Variants in NCAPH observed in about 807,000 individuals in gnomAD.
NCAPH encodes condensin complex subunit 2.
NCAPH carries 38 observed loss-of-function variants against 85.5 expected under a neutral mutation model. That is an observed-to-expected ratio of 0.44 (90% CI 0.34 to 0.58). The LOEUF (loss-of-function observed/expected upper bound fraction) is 0.58, where lower values mean the gene tolerates loss of function less well. Among genes scored for constraint, NCAPH ranks in the 20% least tolerant of loss-of-function variants. The pLI is 0.01. For missense variants in NCAPH, 789 were observed against 916.6 expected (o/e 0.86, Z 1.80); for synonymous variants, 301 against 335.1 (o/e 0.90, Z 1.11).
chr2:96,360,825 CAAAG>C, intron 12 of NCAPH, 115 bp downstream of exon 12: 2 of 1,339,292 alleles, frequency 1.5e-6, no homozygotes, highest in Non-Finnish European at 1.0e-6. Context: ...ATGTGTTAGC[CAAAG>C]CGTGTTGCCA....
At chr2:96,346,534 G>A (rs1277976519) in intron 6 of NCAPH, among the ~76,000 whole-genome samples, 1 of 152,140 alleles carries the variant, frequency 6.6e-6, no homozygotes, top group Non-Finnish European at 1.5e-5. Flanking sequence ...CACTGGAGGA[G>A]GTGAGTGCAT....
In NCAPH at chr2:96,341,861, A is replaced by T. The variant is rs1181960426; in HGVS notation, c.239A>T (p.Asp80Val). 18 of 1,611,970 alleles carry T rather than the reference A, an allele frequency of 1.1e-5. No individual in the cohort carries two copies. In the East Asian group the frequency reaches 3.8e-4, roughly 34 times the overall value. Residue 80 changes from aspartate (D) to valine (V), a missense_variant, in exon 2 of 18, where the codon GAC (aspartate) becomes GTC (valine). Coordinates refer to ENST00000240423, the MANE Select transcript of NCAPH (RefSeq NM_015341.5). ...GTCTTTGATCTGCAGTTCAGCACTG[A>T]CTCACCTCGCTTATTGGCCTCCCCC... Reference protein sequence around the residue: ...SRVFDLQFSTDSPRLLASPSS... With the variant: ...SRVFDLQFSTVSPRLLASPSS...
chr2:96,352,271 C>T (rs1558794862), intron 7 of NCAPH, among the ~76,000 whole-genome samples: 1 of 152,130 alleles, frequency 6.6e-6, no homozygotes, highest in African/African-American at 2.4e-5. Flanking sequence ...ACCTTAGGTG[C>T]CCACTGTTTG....
chr2:96,357,096 G>C (rs2064534928), intron 9 of NCAPH, among the ~76,000 whole-genome samples: 1 of 152,208 alleles, frequency 6.6e-6, no homozygotes, highest in South Asian at 2.1e-4. Context: ...TAATGACCTA[G>C]TCGGAGGTCA....
chr2:96,358,926 A>G, intron 9 of NCAPH, 119 bp from the exon 10 acceptor site: 1 of 932,122 alleles, frequency 1.1e-6, no homozygotes, highest in South Asian at 2.1e-5. Flanking sequence ...GGAATTATTA[A>G]TAATGAAGTT....
rs535998698 is a variant in NCAPH at position 96,366,697 on chromosome 2, T to C, written c.1882-560T>C. 1.4e-4 allele frequency among the ~76,000 whole-genome samples: 22 copies of C among 151,914 alleles called. No homozygotes were observed. The South Asian group carries it at 4.6e-3, about 32-fold the overall frequency. The stretch of plus-strand genomic sequence containing the variant: ...TTCGAGACCAGCCCGGCCAACATGG[T>C]GAAACCCCGTCTTTAATAAAAATAC... On this transcript the variant is annotated intron_variant, in intron 14 of 17. Transcript: ENST00000240423.
At chr2:96,360,379 C>A in intron 11 of NCAPH, 130 bp downstream of exon 11, 1 of 798,402 alleles carries the variant, frequency 1.3e-6, no homozygotes. Context: ...CTTAAACGCA[C>A]TATTAAGAAA....
At position 96,376,000 on chromosome 2, in the gene NCAPH, T is replaced by C. The variant is rs1452845319; in HGVS notation, c.*2649T>C. ...TGGGACTTTTCAGCCTCCATAACTG[T>C]AATAAATTCCTTTGTCAGTTACCCA... On this transcript the variant is annotated 3_prime_UTR_variant, in exon 18 of 18. Coordinates refer to ENST00000240423, the MANE Select transcript of NCAPH (RefSeq NM_015341.5). Among the ~76,000 whole-genome samples, 1 of 152,154 alleles carries C rather than the reference T, an allele frequency of 6.6e-6. No individual in the cohort carries two copies. Among genetic ancestry groups the C allele is most frequent in the Admixed American group, 6.5e-5 (1 of 15,278 alleles).
rs1438320227 is a variant in NCAPH at position 96,374,457 on chromosome 2, T to A, written c.*1106T>A. Among the ~76,000 whole-genome samples, 2 of 152,242 alleles carry A rather than the reference T, an allele frequency of 1.3e-5. No individual in the cohort carries two copies. The highest frequency in any genetic ancestry group is 2.9e-5 in the Non-Finnish European group (2 of 68,046). On this transcript the variant is annotated 3_prime_UTR_variant, in exon 18 of 18. Transcript: ENST00000240423. ...TAGATGTTGATCCAAGTAGTTCTGT[T>A]ACTGGCTGGTCCTGGATCTCTGCCA...
intron 6 of NCAPH, among the ~76,000 whole-genome samples, chr2:96,346,417 C>T (rs57406815): frequency 0.31 from 47,365 of 151,956 alleles, 7,952 homozygotes; most frequent in South Asian, 0.69. Context: ...TTTTGTGTCT[C>T]TGTCCAGCCG....
At chr2:96,360,742 C>T (rs761484644) in intron 12 of NCAPH, 32 bp downstream of exon 12, 2 of 1,612,552 alleles carry the variant, frequency 1.2e-6, no homozygotes, top group Non-Finnish European at 1.7e-6. Flanking sequence ...TTTAAGCACA[C>T]AAGGTATCAA....
chr2:96,351,941 C>T lies in NCAPH; in HGVS notation c.831C>T (p.Pro277=), dbSNP rs116080772. The change falls in exon 7 of 18, where the codon CCC becomes CCT. Residue 277 remains proline (P), a synonymous_variant. Transcript: ENST00000240423. ...CQDYRSELLF[P]SDVQTLSTGE... ...ACTACAGAAGTGAACTGCTGTTTCC[C>T]TCTGATGTCCAGACTCTCTCCACGG... is the stretch of plus-strand genomic sequence containing the variant. 4.7e-5 allele frequency: 76 copies of T among 1,614,174 alleles called. No homozygotes were observed. The Middle Eastern group carries it at 6.6e-4, about 14-fold the overall frequency.
chr2:96,357,093 C>T (rs898348058), intron 9 of NCAPH, among the ~76,000 whole-genome samples: 2 of 152,164 alleles, frequency 1.3e-5, no homozygotes, highest in African/African-American at 2.4e-5. Flanking sequence ...GGTTAATGAC[C>T]TAGTCGGAGG....
chr2:96,357,488 C>A (rs1203895063), intron 9 of NCAPH, among the ~76,000 whole-genome samples: 1 of 152,178 alleles, frequency 6.6e-6, no homozygotes, highest in Middle Eastern at 3.2e-3. Context: ...TGTCCAGCTC[C>A]ATCACCAGAA....
intron 5 of NCAPH, among the ~76,000 whole-genome samples, chr2:96,343,598 G>T (rs191116379): frequency 6.6e-6 from 1 of 152,134 alleles, no homozygotes; most frequent in Non-Finnish European, 1.5e-5. Context: ...ATGGACTTGC[G>T]TGAGAAGCCA....
chr2:96,343,349 T>C (rs544309941), intron 5 of NCAPH, 45 bp downstream of exon 5: 3 of 1,563,964 alleles, frequency 1.9e-6, no homozygotes, highest in African/African-American at 1.4e-5. Flanking sequence ...TTTTAGGGCA[T>C]ACCAGGTAGT....
At chr2:96,353,198 G>C in intron 7 of NCAPH, 108 bp from the exon 8 acceptor site, 3 of 849,176 alleles carry the variant, frequency 3.5e-6, no homozygotes, top group Non-Finnish European at 5.6e-6. Flanking sequence ...GGACAGTGAG[G>C]TAACTGTGCC....
chr2:96,335,905 G>A (rs1327680536), intron 1 of NCAPH, 57 bp downstream of exon 1: 2 of 1,412,056 alleles, frequency 1.4e-6, no homozygotes, highest in African/African-American at 3.0e-5. Context: ...GCAGTACTTC[G>A]GGCGGGCAGG....
rs1202424941 is a variant in NCAPH, at chr2:96,341,811, G to A, written c.189G>A (p.Glu63=). The A allele has an allele frequency of 6.2e-7, 1 of 1,614,038 alleles. No homozygotes were observed. Among genetic ancestry groups the A allele is most frequent in the Non-Finnish European group, 8.5e-7 (1 of 1,180,034 alleles). The change falls in exon 2 of 18, where the codon GAG becomes GAA. Residue 63 remains glutamate, a synonymous_variant. Transcript: ENST00000240423. ...TTCCTCAGAATGACGATGAGAAGGA[G>A]CGGCTGCAGCGGAGGCGCTCGAGGG... The part of the protein sequence containing the change: ...EDFPQNDDEK[E]RLQRRRSRVF...
Sources: allele counts gnomAD v4.1 joint callset (sites outside exome capture counted in the v4.1 genomes callset), GRCh38; gene constraint gnomAD v4.1.1; transcripts MANE v1.5; gene names NCBI Gene and HGNC (gene_info 2026-07-23, HGNC 2026-07-21).